The following PRKN variants were observed in gnomAD, a reference collection of about 807,000 sequenced individuals.
PRKN encodes E3 ubiquitin-protein ligase parkin.
In PRKN, 56 loss-of-function variants were observed where a neutral mutation model predicts 59.5. That is an observed-to-expected ratio of 0.94 (90% CI 0.76 to 1.18). The LOEUF (loss-of-function observed/expected upper bound fraction) is 1.18. Ranked by LOEUF, PRKN falls within the 50% of genes most tolerant of loss-of-function variation. The probability of loss-of-function intolerance (pLI) is 0.00; values close to 1 mark genes in which losing one functional copy is unlikely to be tolerated. For synonymous variants in PRKN, 250 were observed against 222.1 expected (o/e 1.13, Z -1.12); for missense variants, 657 against 596.4 (o/e 1.10, Z -1.06).
rs1785363114 is a variant in PRKN at position 161,369,715 on chromosome 6, T to C, written c.1168-9510A>G. On this transcript the variant is annotated intron_variant, in intron 10 of 11. Transcript: ENST00000366898. This position sits in a 1 kb window ranked among gnomAD's most constrained non-coding sequence, Gnocchi z 5.8. ...GGAACAGGACAAGTCTCTCTCCTAATATACTTCATGGCTGAAAATAGCGAT... is the reference window on the plus strand; with the variant it reads ...GGAACAGGACAAGTCTCTCTCCTAACATACTTCATGGCTGAAAATAGCGAT... Among the ~76,000 whole-genome samples the C allele has an allele frequency of 6.6e-6, 1 of 152,142 alleles. No individual in the cohort carries two copies. The highest frequency in any genetic ancestry group is 1.5e-5 in the Non-Finnish European group (1 of 68,030).
chr6:161,545,497 T>G lies in PRKN; in HGVS notation c.1083+3357A>C. Reference sequence around the variant, plus strand: ...CTTCTAACTTTTATGTATTTGGCCATGTTCTACTTCTGAAATGACATAATC... The same window carrying G: ...CTTCTAACTTTTATGTATTTGGCCAGGTTCTACTTCTGAAATGACATAATC... On this transcript the variant is annotated intron_variant, in intron 9 of 11. Coordinates refer to ENST00000366898, the MANE Select transcript of PRKN (RefSeq NM_004562.3). The surrounding 1 kb of genome is among the most constrained non-coding windows in gnomAD (Gnocchi z 4.1). The G allele has an allele frequency of 4.8e-5, 56 of 1,160,444 alleles. No individual in the cohort carries two copies. Among genetic ancestry groups the G allele is most frequent in the Non-Finnish European group, 6.5e-5 (50 of 771,332 alleles). The allele number at this position is 1,160,444 out of a possible 1,614,324, so 71.9% of individuals were successfully genotyped here.
rs1455897313 is a variant in PRKN at position 161,401,573 on chromosome 6, A to T, written c.1084-14696T>A. 6.6e-6 allele frequency among the ~76,000 whole-genome samples: 1 copy of T among 151,996 alleles called. No individual in the cohort carries two copies. The highest frequency in any genetic ancestry group is 6.6e-5 in the Admixed American group (1 of 15,266). ...GGCTGCAGTGAGCCGAGATTGTGCC[A>T]CTGCACTCCATCTTGGGCGACAAGA... On this transcript the variant is annotated intron_variant, in intron 9 of 11. Coordinates refer to ENST00000366898, the MANE Select transcript of PRKN (RefSeq NM_004562.3). The surrounding 1 kb of genome is among the most constrained non-coding windows in gnomAD (Gnocchi z 4.4).
In PRKN at chr6:161,550,014, G is replaced by T. The variant is rs906802556; in HGVS notation, c.934-1011C>A. On this transcript the variant is annotated intron_variant, in intron 8 of 11. Coordinates refer to ENST00000366898, the MANE Select transcript of PRKN (RefSeq NM_004562.3). This position sits in a 1 kb window ranked among gnomAD's most constrained non-coding sequence, Gnocchi z 4.0. ...AGGTGGAGATTTCAATTTTAAAGAG[G>T]TGATTACAGAATGCCTTACAAAGCA... 3.9e-5 allele frequency among the ~76,000 whole-genome samples: 6 copies of T among 152,288 alleles called. No homozygotes were observed. Among genetic ancestry groups the T allele is most frequent in the Middle Eastern group, 3.4e-3 (1 of 294 alleles).
chr6:162,365,912 T>G (rs1785413496), intron 2 of PRKN, among the ~76,000 whole-genome samples: 1 of 152,172 alleles, frequency 6.6e-6, no homozygotes, highest in African/African-American at 2.4e-5. Context: ...TCAATAAACG[T>G]CCACTGAGAA....
At chr6:161,595,153 T>C (rs200047447) in intron 7 of PRKN, among the ~76,000 whole-genome samples, 1 of 152,244 alleles carries the variant, frequency 6.6e-6, no homozygotes, top group South Asian at 2.1e-4. Flanking sequence ...CTTGTTTCTA[T>C]TGTGTGTCAG....
chr6:161,917,051 C>T (rs1299019971), intron 6 of PRKN, among the ~76,000 whole-genome samples: 3 of 152,084 alleles, frequency 2.0e-5, no homozygotes, highest in Non-Finnish European at 4.4e-5. Context: ...ATCCGTCTGC[C>T]TCCGCCTCCC....
chr6:161,731,961 G>C (rs1252726212), intron 7 of PRKN, among the ~76,000 whole-genome samples: 1 of 151,760 alleles, frequency 6.6e-6, no homozygotes, highest in South Asian at 2.1e-4. Flanking sequence ...TTTAACTTTT[G>C]TTTTAGATTC....
intron 6 of PRKN, among the ~76,000 whole-genome samples, chr6:161,940,347 A>G (rs948750513): frequency 2.6e-5 from 4 of 152,146 alleles, no homozygotes; most frequent in African/African-American, 9.7e-5. Context: ...AGCACAAAGG[A>G]AAAGAAAGAG....
At chr6:162,364,975 CTCTCT>C (rs1188483011) in intron 2 of PRKN, among the ~76,000 whole-genome samples, 3 of 143,122 alleles carry the variant, frequency 2.1e-5, no homozygotes, top group East Asian at 4.0e-4. Context: ...CTCTCTCTCT[CTCTCT>C]TTTTTTTTTT....
At chr6:161,908,515 A>C (rs1778234520) in intron 6 of PRKN, among the ~76,000 whole-genome samples, 1 of 152,194 alleles carries the variant, frequency 6.6e-6, no homozygotes, top group Non-Finnish European at 1.5e-5. Context: ...AATGGTCTTA[A>C]ATCATTTTGA....
chr6:161,819,580 T>C (rs1000447286), intron 6 of PRKN, among the ~76,000 whole-genome samples: 3 of 152,220 alleles, frequency 2.0e-5, no homozygotes, highest in Admixed American at 6.5e-5. Context: ...TGTATCTCTA[T>C]AGGTATTACC....
chr6:161,781,746 G>A (rs1359504911), intron 7 of PRKN, among the ~76,000 whole-genome samples: 1 of 152,062 alleles, frequency 6.6e-6, no homozygotes, highest in Non-Finnish European at 1.5e-5. Context: ...ACCTGTCCCT[G>A]AAAGAAAAGG....
chr6:161,632,097 C>T (rs1783335913), intron 7 of PRKN, among the ~76,000 whole-genome samples: 1 of 152,184 alleles, frequency 6.6e-6, no homozygotes, highest in African/African-American at 2.4e-5. Context: ...GAGAGCAGCT[C>T]CTGTTTCCAA....
intron 5 of PRKN, among the ~76,000 whole-genome samples, chr6:161,985,860 T>C (rs1225928872): frequency 1.3e-5 from 2 of 152,100 alleles, no homozygotes; most frequent in Non-Finnish European, 2.9e-5. Flanking sequence ...GCCCCTTGCT[T>C]GTGGTTTGAG....
intron 2 of PRKN, among the ~76,000 whole-genome samples, chr6:162,293,442 AGGTGGAAACTTGCTGAGTTCTC>A (rs1246199996): frequency 3.3e-5 from 5 of 152,356 alleles, no homozygotes; most frequent in Middle Eastern, 3.4e-3. Context: ...TTCATGGAGG[AGGTGGAAACTTGCTGAGTTCTC>A]GGACCACTCA....
chr6:162,216,545 A>AG (rs1182197899), intron 3 of PRKN, among the ~76,000 whole-genome samples: 1 of 149,614 alleles, frequency 6.7e-6, no homozygotes, highest in Non-Finnish European at 1.5e-5. Context: ...TCAAAAAAAA[A>AG]AAAAAAAAAA....
At chr6:162,462,289 T>C (rs1791214752) in intron 1 of PRKN, among the ~76,000 whole-genome samples, 1 of 152,246 alleles carries the variant, frequency 6.6e-6, no homozygotes, top group South Asian at 2.1e-4. Flanking sequence ...AATTGAAAGA[T>C]ATTCTAAAAG....
chr6:162,317,686 T>C (rs1782809022), intron 2 of PRKN, among the ~76,000 whole-genome samples: 1 of 151,934 alleles, frequency 6.6e-6, no homozygotes, highest in Admixed American at 6.6e-5. Context: ...AAGGATAGTG[T>C]CCTATTTCAA....
At chr6:162,459,538 C>T (rs1006249319) in intron 1 of PRKN, among the ~76,000 whole-genome samples, 6 of 152,112 alleles carry the variant, frequency 3.9e-5, no homozygotes, top group East Asian at 3.9e-4. Flanking sequence ...TTTTTAACTT[C>T]GCAGCAGAGA....
Sources: gnomAD v4.1 joint callset for allele counts (sites outside exome capture counted in the v4.1 genomes callset) on GRCh38, gnomAD v4.1.1 for gene constraint, Gnocchi (gnomAD v3.1) non-coding constraint, MANE v1.5 for transcripts, NCBI Gene and HGNC (gene_info 2026-07-23, HGNC 2026-07-21) for gene names.